The following CDK5RAP2 variants were observed in gnomAD, a reference collection of about 807,000 sequenced individuals.
CDK5RAP2 encodes the protein CDK5 regulatory subunit associated protein 2.
Under a neutral mutation model 232.9 loss-of-function variants are expected in CDK5RAP2, and 147 were observed. The observed-to-expected ratio is 0.63, with a 90% confidence interval of 0.55 to 0.72. CDK5RAP2 has a LOEUF of 0.72. CDK5RAP2 is among the 30% of genes least tolerant of loss of function. CDK5RAP2 has a pLI of 0.00. For missense variants in CDK5RAP2, 2,195 were observed against 2,231.5 expected, an observed-to-expected ratio of 0.98 and a Z score of 0.33; for synonymous variants, 833 against 833.7, an observed-to-expected ratio of 1.00 and a Z score of 0.01.
At chr9:120,577,721 C>G (rs1474664011) in intron 1 of CDK5RAP2, among the ~76,000 whole-genome samples, 1 of 152,058 alleles carries the variant, frequency 6.6e-6, no homozygotes, top group African/African-American at 2.4e-5. Context: ...GGCTTTATAC[C>G]AACCCCTTTT....
intron 12 of CDK5RAP2, among the ~76,000 whole-genome samples, chr9:120,514,357 T>C (rs891162812): frequency 6.6e-6 from 1 of 152,024 alleles, no homozygotes; most frequent in African/African-American, 2.4e-5. Flanking sequence ...AGGCTGCCAA[T>C]GATGTTATAC....
intron 3 of CDK5RAP2, among the ~76,000 whole-genome samples, chr9:120,555,584 T>C (rs543474991): frequency 9.9e-5 from 15 of 152,202 alleles, no homozygotes; most frequent in Non-Finnish European, 2.2e-4. Context: ...GTAGAATAAA[T>C]GGTGTTCTCA....
intron 31 of CDK5RAP2, chr9:120,408,050 C>T (rs2033598053): frequency 2.3e-6 from 1 of 429,012 alleles, no homozygotes; most frequent in African/African-American, 2.0e-5. Context: ...ACATGTTTTA[C>T]AGAGATAGGT....
At chr9:120,509,119 C>G (rs1347244749) in intron 12 of CDK5RAP2, among the ~76,000 whole-genome samples, 3 of 152,204 alleles carry the variant, frequency 2.0e-5, no homozygotes, top group Non-Finnish European at 4.4e-5. Context: ...TTCTCAATAG[C>G]AGAGCGCTCC....
At chr9:120,475,430 G>A (rs139467417) in intron 15 of CDK5RAP2, among the ~76,000 whole-genome samples, 31 of 152,292 alleles carry the variant, frequency 2.0e-4, no homozygotes, top group Admixed American at 1.6e-3. Context: ...TCATGAAGCT[G>A]AGAAGACTCA....
chr9:120,471,919 T>G (rs749760069), intron 15 of CDK5RAP2, 41 bp from the exon 16 acceptor site: 1 of 1,613,182 alleles, frequency 6.2e-7, no homozygotes, highest in South Asian at 1.1e-5. Context: ...AACAGACCTA[T>G]TTGTACTTTT....
chr9:120,521,880 C>T (rs966949144), intron 11 of CDK5RAP2, among the ~76,000 whole-genome samples: 2 of 152,048 alleles, frequency 1.3e-5, no homozygotes, highest in Non-Finnish European at 2.9e-5. Context: ...CTCCTGACCT[C>T]GTGATCCACC....
chr9:120,408,696 A>G (rs1429119453), intron 30 of CDK5RAP2, among the ~76,000 whole-genome samples: 1 of 152,180 alleles, frequency 6.6e-6, no homozygotes, highest in African/African-American at 2.4e-5. Context: ...AAGTCCTCAC[A>G]CTGACTCTGC....
chr9:120,443,184 C>T (rs1036233424), intron 23 of CDK5RAP2, among the ~76,000 whole-genome samples: 3 of 152,214 alleles, frequency 2.0e-5, no homozygotes, highest in Non-Finnish European at 2.9e-5. Flanking sequence ...GTCTCAGCCT[C>T]AGGCTCTCTT....
intron 6 of CDK5RAP2, 178 bp from the exon 7 acceptor site, chr9:120,536,704 T>C (rs528242344): frequency 1.4e-6 from 1 of 710,764 alleles, no homozygotes; most frequent in African/African-American, 1.7e-5. Context: ...CATTTTTCCC[T>C]CTTGTATCCT....
At chr9:120,415,949 AATT>A (rs1336013213) in intron 27 of CDK5RAP2, among the ~76,000 whole-genome samples, 1 of 152,190 alleles carries the variant, frequency 6.6e-6, no homozygotes, top group Non-Finnish European at 1.5e-5. Context: ...TAGCTATTAA[AATT>A]ATGTTATGAA....
In CDK5RAP2 at chr9:120,403,520, CAA is replaced by C; in HGVS notation, c.5042-451_5042-450del. ...GGAGCAGCATTTGAACTGGATTGAG[CAA>C]GTAGCAAGAATTACACGAATGATGA... On this transcript the variant is annotated intron_variant, in intron 33 of 37. Coordinates refer to ENST00000349780, the MANE Select transcript of CDK5RAP2 (RefSeq NM_018249.6). This position sits in a 1 kb window ranked among gnomAD's most constrained non-coding sequence, Gnocchi z 4.2. The C allele has an allele frequency of 3.6e-6, 1 of 278,490 alleles. No individual in the cohort carries two copies. The highest frequency in any genetic ancestry group is 6.9e-6 in the Non-Finnish European group (1 of 144,188). The allele number at this position is 278,490 out of a possible 1,614,324, so 17.3% of individuals were successfully genotyped here.
chr9:120,470,140 G>A lies in CDK5RAP2; in HGVS notation c.1939C>T (p.His647Tyr). Reference protein sequence around the residue: ...LEENNRFQVEHFSQEELKKKV... With the variant: ...LEENNRFQVEYFSQEELKKKV... Reference sequence around the variant, plus strand: ...TTCTTAAGTTCTTCTTGAGAAAAATGTTCCACTTGAAACCGATTGTTTTCT... The same window carrying A: ...TTCTTAAGTTCTTCTTGAGAAAAATATTCCACTTGAAACCGATTGTTTTCT... Residue 647 changes from histidine to tyrosine, a missense_variant, in exon 17 of 38, where the codon CAT becomes TAT. Physicochemically the swap from His to Tyr is moderately conservative, Grantham distance 83. Coordinates refer to ENST00000349780, the MANE Select transcript of CDK5RAP2 (RefSeq NM_018249.6). 1 of 1,578,212 alleles carries A rather than the reference G, an allele frequency of 6.3e-7. No homozygotes were observed.
At chr9:120,521,805 C>A (rs547093366) in intron 11 of CDK5RAP2, among the ~76,000 whole-genome samples, 1 of 152,112 alleles carries the variant, frequency 6.6e-6, no homozygotes, top group Admixed American at 6.5e-5. Context: ...ACCACCACAC[C>A]TGGCTAATTT....
intron 35 of CDK5RAP2, among the ~76,000 whole-genome samples, chr9:120,398,231 T>C (rs1045392388): frequency 6.6e-6 from 1 of 152,248 alleles, no homozygotes; most frequent in Non-Finnish European, 1.5e-5. Flanking sequence ...CATTCTGATA[T>C]GTGCTATTCA....
intron 12 of CDK5RAP2, among the ~76,000 whole-genome samples, chr9:120,509,544 C>CT (rs2039981932): frequency 6.6e-6 from 1 of 152,300 alleles, no homozygotes; most frequent in Admixed American, 6.5e-5. Context: ...AGAAGTTAAG[C>CT]ACTTGTAAGT....
Position 120,443,871 on chromosome 9 carries a change from A to G in CDK5RAP2, c.3026-129T>C, listed in dbSNP as rs2036040698. ...ACACTGGGGAGGCAAAATGCAATTT[A>G]TAAGATAAAATTAATCTATCGAGCT... On this transcript the variant is annotated intron_variant, in intron 22 of 37. Transcript: ENST00000349780. The G allele has an allele frequency of 2.6e-6, 3 of 1,144,590 alleles. No individual in the cohort carries two copies. The African/African-American group carries it at 4.7e-5, about 18-fold the overall frequency. 70.9% of individuals were successfully genotyped at this position (1,144,590 alleles called of 1,614,324 possible). A position where few individuals can be genotyped will look rare whatever the true frequency, so the allele number is the denominator to read the frequency against.
intron 20 of CDK5RAP2, 149 bp from the exon 21 acceptor site, chr9:120,454,022 C>T (rs2036619405): frequency 1.3e-6 from 1 of 781,040 alleles, no homozygotes; most frequent in South Asian, 1.5e-5. Flanking sequence ...CCAGGGCCCA[C>T]ATCCAGTATT....
chr9:120,465,669 G>A (rs1179840988), intron 18 of CDK5RAP2, among the ~76,000 whole-genome samples: 1 of 150,792 alleles, frequency 6.6e-6, no homozygotes, highest in African/African-American at 2.4e-5. Context: ...CTGTCCTTTG[G>A]CCTACTAATG....
Sources: gnomAD v4.1 joint callset for allele counts (sites outside exome capture counted in the v4.1 genomes callset) on GRCh38, gnomAD v4.1.1 for gene constraint, Gnocchi (gnomAD v3.1) non-coding constraint, MANE v1.5 for transcripts, NCBI Gene and HGNC (gene_info 2026-07-23, HGNC 2026-07-21) for gene names.